Variants in CDH23 observed in about 807,000 individuals in gnomAD.
The protein encoded by CDH23 is cadherin-23.
A neutral mutation model predicts 317.1 loss-of-function variants in CDH23; 189 were observed. That is an observed-to-expected ratio of 0.60 (90% CI 0.53 to 0.67). The LOEUF (loss-of-function observed/expected upper bound fraction) is 0.67, where lower values mean the gene tolerates loss of function less well. CDH23 is among the 30% of genes least tolerant of loss of function. The pLI is 0.00. For synonymous variants in CDH23, 1,839 were observed against 1,876.8 expected (o/e 0.98, Z 0.52); for missense variants, 4,401 against 4,592.4 (o/e 0.96, Z 1.20).
rs545776396 is a variant in CDH23 at position 71,610,590 on chromosome 10, C to T, written c.833-4914C>T. 3.9e-5 allele frequency among the ~76,000 whole-genome samples: 6 copies of T among 152,284 alleles called. No individual in the cohort carries two copies. In the East Asian group the frequency reaches 5.8e-4, roughly 15 times the overall value. Reference sequence around the variant, plus strand: ...ATATCTTCTTATAAGGTGGTTGCAACGAATAGGTGATGTGATTGTGCAAAC... The same window carrying T: ...ATATCTTCTTATAAGGTGGTTGCAATGAATAGGTGATGTGATTGTGCAAAC... On this transcript the variant is annotated intron_variant, in intron 9 of 69. Transcript: ENST00000224721.
intron 11 of CDH23, among the ~76,000 whole-genome samples, chr10:71,641,994 C>T (rs1216512640): frequency 6.6e-6 from 1 of 152,004 alleles, no homozygotes; most frequent in Admixed American, 6.6e-5. Context: ...TACTCGGGAG[C>T]CTGAGGTGTG....
chr10:71,695,708 G>A (rs1396583872), intron 22 of CDH23, among the ~76,000 whole-genome samples, 183 bp downstream of exon 22: 11 of 152,236 alleles, frequency 7.2e-5, no homozygotes, highest in Admixed American at 7.2e-4. Flanking sequence ...GAGGTCAAGG[G>A]AAAGCCCTCA....
At chr10:71,790,155 CTCCCCACCCTG>C in intron 45 of CDH23, 122 bp from the exon 46 acceptor site, 2 of 1,274,290 alleles carry the variant, frequency 1.6e-6, no homozygotes, top group Non-Finnish European at 2.1e-6. Flanking sequence ...CCCCCAGGGC[CTCCCCACCCTG>C]TCCACCTCAC....
intron 6 of CDH23, among the ~76,000 whole-genome samples, chr10:71,516,613 C>T (rs1346259119): frequency 1.3e-5 from 2 of 152,110 alleles, no homozygotes; most frequent in Non-Finnish European, 2.9e-5. Flanking sequence ...CCTGTGTGCC[C>T]AACACTGTTT....
intron 1 of CDH23, among the ~76,000 whole-genome samples, chr10:71,405,243 T>A (rs895792825): frequency 2.0e-4 from 31 of 152,084 alleles, no homozygotes; most frequent in African/African-American, 7.5e-4. Flanking sequence ...CAGCACCCCA[T>A]GTTCCTTCTC....
At chr10:71,655,622 C>T (rs1358303829) in intron 14 of CDH23, among the ~76,000 whole-genome samples, 2 of 152,052 alleles carry the variant, frequency 1.3e-5, no homozygotes, top group South Asian at 2.1e-4. Flanking sequence ...TCCTTCCCCA[C>T]GCCACTGAAA....
intron 16 of CDH23, 62 bp from the exon 17 acceptor site, chr10:71,679,325 A>AGAG: frequency 2.6e-6 from 2 of 757,166 alleles, no homozygotes; most frequent in Non-Finnish European, 4.5e-6. Context: ...CCAGCTGCCC[A>AGAG]CCCTCTTCTG....
intron 20 of CDH23, 128 bp from the exon 21 acceptor site, chr10:71,694,019 A>G (rs908573043): frequency 9.0e-6 from 7 of 773,722 alleles, no homozygotes; most frequent in Non-Finnish European, 1.6e-5. Flanking sequence ...CCGCCAGATC[A>G]TGGTAGCTTG....
chr10:71,672,144 T>C (rs539577448), intron 14 of CDH23, among the ~76,000 whole-genome samples: 1 of 151,750 alleles, frequency 6.6e-6, no homozygotes, highest in African/African-American at 2.4e-5. Flanking sequence ...AACTTTGCCT[T>C]GGGGGTCAGG....
In CDH23 at chr10:71,730,666, C is replaced by T. The variant is rs1054149297; in HGVS notation, c.3715+62C>T. The T allele has an allele frequency of 3.1e-5, 50 of 1,598,062 alleles. No individual in the cohort carries two copies. The African/African-American group carries it at 4.7e-4, about 15-fold the overall frequency. On this transcript the variant is annotated intron_variant, in intron 31 of 69. Coordinates refer to ENST00000224721, the MANE Select transcript of CDH23 (RefSeq NM_022124.6). Reference sequence around the variant, plus strand: ...TCAGAGCAAACCTCCCCAGCTCACCCAGCCCCTCCTTCGAAACGGTCATCC... The same window carrying T: ...TCAGAGCAAACCTCCCCAGCTCACCTAGCCCCTCCTTCGAAACGGTCATCC...
chr10:71,590,897 CA>C lies in CDH23; in HGVS notation c.832+12914del, dbSNP rs1242410489. 1.1e-3 allele frequency among the ~76,000 whole-genome samples: 76 copies of C among 72,234 alleles called. 2 individuals are homozygous for C. The highest frequency in any genetic ancestry group is 4.0e-3 in the African/African-American group (63 of 15,640). 47.4% of individuals were successfully genotyped at this position (72,234 alleles called of 152,430 possible). ...CTAAAAAAAAAAAAACAAAAAAAAA[CA>C]AAAAAAAACACCAGTCTCTTCTCTA... On this transcript the variant is annotated intron_variant, in intron 9 of 69. Transcript: ENST00000224721.
At chr10:71,454,637 G>A (rs1478947874) in intron 3 of CDH23, among the ~76,000 whole-genome samples, 2 of 152,024 alleles carry the variant, frequency 1.3e-5, no homozygotes, top group African/African-American at 4.8e-5. Flanking sequence ...GGCTGCAAAG[G>A]GGCAGGGGAT....
chr10:71,684,760 G>A (rs2132688158), intron 18 of CDH23, among the ~76,000 whole-genome samples: 1 of 152,360 alleles, frequency 6.6e-6, no homozygotes, highest in East Asian at 1.9e-4. Context: ...GGCTGAGGCA[G>A]AGAGGGAGCC....
At chr10:71,567,903 TC>T (rs1857501111) in intron 7 of CDH23, among the ~76,000 whole-genome samples, 1 of 152,180 alleles carries the variant, frequency 6.6e-6, no homozygotes, top group South Asian at 2.1e-4. Flanking sequence ...ACCCTCCAGG[TC>T]CTATCTGCCT....
In CDH23 at chr10:71,570,721, T is replaced by C. The variant is rs909703840; in HGVS notation, c.625-69T>C. The C allele has an allele frequency of 2.6e-6, 4 of 1,532,440 alleles. No individual in the cohort carries two copies. The African/African-American group carries it at 5.5e-5, about 21-fold the overall frequency. The allele number at this position is 1,532,440 out of a possible 1,614,324, so 94.9% of individuals were successfully genotyped here. On this transcript the variant is annotated intron_variant, in intron 7 of 69. Transcript: ENST00000224721. Reference sequence around the variant, plus strand: ...TGCACGGTGCAGGTCTGTGTGTGTGTGTACATATGTGTGTGAGTGTCCCCA... The same window carrying C: ...TGCACGGTGCAGGTCTGTGTGTGTGCGTACATATGTGTGTGAGTGTCCCCA...
At chr10:71,738,095 A>G (rs1441014820) in intron 34 of CDH23, among the ~76,000 whole-genome samples, 2 of 152,142 alleles carry the variant, frequency 1.3e-5, no homozygotes, top group Non-Finnish European at 2.9e-5. Flanking sequence ...TCATCAGCCA[A>G]TTTCACTTTA....
chr10:71,617,080 G>C, intron 10 of CDH23, 125 bp from the exon 11 acceptor site: 1 of 1,286,142 alleles, frequency 7.8e-7, no homozygotes, highest in South Asian at 1.5e-5. Flanking sequence ...TGGAGTTGTG[G>C]TGAGGATTAG....
intron 32 of CDH23, chr10:71,732,749 T>A: frequency 2.1e-5 from 23 of 1,120,794 alleles, no homozygotes; most frequent in South Asian, 1.4e-4. Flanking sequence ...CTGTTTTTCC[T>A]TCTGTTTTCA....
In CDH23 at chr10:71,751,714, G is replaced by C; in HGVS notation, c.4845+9793G>C. The stretch of plus-strand genomic sequence containing the variant: ...CTCCGGGGCCTGGAGGAGACAGGGG[G>C]GTGCTGGGCTCCGAAAGCAGATGCC... On this transcript the variant is annotated intron_variant, in intron 38 of 69. Coordinates refer to ENST00000224721, the MANE Select transcript of CDH23 (RefSeq NM_022124.6). The surrounding 1 kb of genome is among the most constrained non-coding windows in gnomAD (Gnocchi z 4.9). 2 of 1,573,466 alleles carry C rather than the reference G, an allele frequency of 1.3e-6. No homozygotes were observed. The highest frequency in any genetic ancestry group is 2.0e-4 in the Middle Eastern group (1 of 4,952).
Sources: allele counts gnomAD v4.1 joint callset (sites outside exome capture counted in the v4.1 genomes callset), GRCh38; gene constraint gnomAD v4.1.1; non-coding constraint Gnocchi (gnomAD v3.1); transcripts MANE v1.5; gene names NCBI Gene and HGNC (gene_info 2026-07-23, HGNC 2026-07-21).